Variants in STK31 observed in about 807,000 individuals in gnomAD.
STK31 encodes serine/threonine-protein kinase 31.
STK31 carries 89 observed loss-of-function variants against 129.7 expected under a neutral mutation model. The observed-to-expected ratio is 0.69, with a 90% CI of 0.58 to 0.82. The LOEUF is 0.82. Among genes scored for constraint, STK31 ranks in the 40% least tolerant of loss-of-function variants. The probability of loss-of-function intolerance (pLI) is 0.00; values close to 1 mark genes in which losing one functional copy is unlikely to be tolerated. For missense variants in STK31, 1,187 were observed against 1,176.4 expected (o/e 1.01, Z -0.13); for synonymous variants, 448 against 395.3 (o/e 1.13, Z -1.58).
At chr7:23,808,476 G>T (rs1026238407) in intron 22 of STK31, among the ~76,000 whole-genome samples, 1 of 152,000 alleles carries the variant, frequency 6.6e-6, no homozygotes, top group Non-Finnish European at 1.5e-5. Flanking sequence ...AGTGGGTCCT[G>T]CCAACACCGT....
chr7:23,786,015 G>A (rs1398857576), intron 18 of STK31, among the ~76,000 whole-genome samples: 23 of 151,370 alleles, frequency 1.5e-4, no homozygotes, highest in African/African-American at 2.4e-5. Context: ...GTATATAAAA[G>A]TCATTAAATA....
intron 4 of STK31, chr7:23,721,704 C>A: frequency 1.3e-6 from 1 of 794,384 alleles, no homozygotes; most frequent in South Asian, 1.3e-5. Flanking sequence ...TTACCATTAT[C>A]ATTCTTACTT....
At chr7:23,831,915 G>C (rs1249091608) in intron 23 of STK31, among the ~76,000 whole-genome samples, 1 of 152,144 alleles carries the variant, frequency 6.6e-6, no homozygotes, top group East Asian at 1.9e-4. Flanking sequence ...GGGATTACAG[G>C]CATAAGCCAC....
chr7:23,806,636 C>T (rs570197167), intron 22 of STK31, among the ~76,000 whole-genome samples: 1 of 152,142 alleles, frequency 6.6e-6, no homozygotes, highest in South Asian at 2.1e-4. Flanking sequence ...CGCGGTGGCT[C>T]ACGCCAGTAA....
chr7:23,718,015 A>G (rs1211868975), intron 4 of STK31, among the ~76,000 whole-genome samples: 1 of 152,160 alleles, frequency 6.6e-6, no homozygotes, highest in Non-Finnish European at 1.5e-5. Context: ...TGGATGATGA[A>G]TGGTGGCGAA....
chr7:23,805,582 C>T (rs1187781175), intron 22 of STK31, among the ~76,000 whole-genome samples: 3 of 152,090 alleles, frequency 2.0e-5, no homozygotes, highest in Admixed American at 6.5e-5. Context: ...CTGTTGGGCT[C>T]AAGTGATCCT....
At chr7:23,751,131 C>T (rs1283280986) in intron 8 of STK31, among the ~76,000 whole-genome samples, 1 of 152,124 alleles carries the variant, frequency 6.6e-6, no homozygotes, top group Non-Finnish European at 1.5e-5. Context: ...AAAATATTTT[C>T]TTTCTGTGCC....
intron 23 of STK31, among the ~76,000 whole-genome samples, chr7:23,818,916 C>T (rs905399286): frequency 3.9e-5 from 6 of 152,198 alleles, no homozygotes; most frequent in African/African-American, 1.4e-4. Flanking sequence ...TGAGCCACTG[C>T]TGGCCCTCAT....
Sources: gnomAD v4.1 joint callset for allele counts (sites outside exome capture counted in the v4.1 genomes callset) on GRCh38, gnomAD v4.1.1 for gene constraint, MANE v1.5 for transcripts, NCBI Gene and HGNC (gene_info 2026-07-23, HGNC 2026-07-21) for gene names.